HDGFL3: variants seen among roughly 807,000 people sequenced by gnomAD.
The protein encoded by HDGFL3 is hepatoma-derived growth factor-related protein 3.
A neutral mutation model predicts 27.6 loss-of-function variants in HDGFL3; 6 were observed. That is an observed-to-expected ratio of 0.22 (90% confidence interval 0.12 to 0.43). The LOEUF is 0.43. HDGFL3 is among the 20% of genes least tolerant of loss of function. The pLI, the probability that HDGFL3 is intolerant of heterozygous loss-of-function variation, is 1.00. For synonymous variants in HDGFL3, 88 were observed against 88.9 expected, an observed-to-expected ratio of 0.99 and a Z score of 0.05; for missense variants, 207 against 250.1, an observed-to-expected ratio of 0.83 and a Z score of 1.16.
chr15:83,164,806 A>G (rs2037149227), intron 1 of HDGFL3, among the ~76,000 whole-genome samples: 1 of 152,248 alleles, frequency 6.6e-6, no homozygotes, highest in Non-Finnish European at 1.5e-5. Flanking sequence ...ATATAATTAC[A>G]CATACATTAT....
At chr15:83,114,038 G>A (rs1567134196) in exon 4 of HDGFL3, 2 of 152,440 alleles carry the variant, frequency 1.3e-5, no homozygotes, top group South Asian at 2.1e-4. Context: ...TTTACAGCCA[G>A]TCATTAGATG....
intron 1 of HDGFL3, among the ~76,000 whole-genome samples, chr15:83,178,161 A>C (rs76174332): frequency 0.023 from 3,522 of 152,324 alleles, 140 homozygotes; most frequent in African/African-American, 0.08. Context: ...TGAAATATTA[A>C]AATTGCTGAA....
intron 3 of HDGFL3, among the ~76,000 whole-genome samples, chr15:83,121,645 T>A (rs2035254541): frequency 6.6e-6 from 1 of 152,158 alleles, no homozygotes; most frequent in Admixed American, 6.6e-5. Flanking sequence ...AATGCAGGAG[T>A]CCTGTGGCAG....
At position 83,192,190 on chromosome 15, in the gene HDGFL3, C is replaced by T. The variant is rs1013060208; in HGVS notation, c.84+15141G>A. ...CTCCTGACCTCAGGTGATCCACCTG[C>T]CTCGGCCTCCCAAAGTGCTGGGATT... On this transcript the variant is annotated intron_variant, in intron 1 of 5. Transcript: ENST00000299633. 28 of 414,562 alleles carry T rather than the reference C, an allele frequency of 6.8e-5. 1 individual carries two copies. The East Asian group carries it at 2.3e-3, about 34-fold the overall frequency. 25.7% of individuals were successfully genotyped at this position (414,562 alleles called of 1,614,324 possible). A position where few individuals can be genotyped will look rare whatever the true frequency, so the allele number is the denominator to read the frequency against.
At chr15:83,203,715 A>C (rs1197013442) in intron 1 of HDGFL3, among the ~76,000 whole-genome samples, 1 of 151,954 alleles carries the variant, frequency 6.6e-6, no homozygotes, top group Non-Finnish European at 1.5e-5. Flanking sequence ...AGTAATAATA[A>C]GTATTATTAC....
chr15:83,206,404 C>T (rs2037716232), intron 1 of HDGFL3, among the ~76,000 whole-genome samples: 1 of 152,116 alleles, frequency 6.6e-6, no homozygotes, highest in African/African-American at 2.4e-5. Context: ...CAACTGCCAA[C>T]CATACAAAAA....
intron 2 of HDGFL3, among the ~76,000 whole-genome samples, chr15:83,162,647 TGAGA>T (rs937228901): frequency 2.8e-4 from 42 of 152,288 alleles, no homozygotes; most frequent in African/African-American, 1.0e-3. Context: ...TAAAACTTCC[TGAGA>T]GAAATTACAA....
intron 3 of HDGFL3, among the ~76,000 whole-genome samples, chr15:83,116,415 C>T (rs2151346374): frequency 6.6e-6 from 1 of 152,322 alleles, no homozygotes; most frequent in Non-Finnish European, 1.5e-5. Context: ...CTCGAGAGAG[C>T]TAGTCCTATT....
intron 1 of HDGFL3, among the ~76,000 whole-genome samples, chr15:83,203,938 C>T (rs529048629): frequency 2.9e-4 from 43 of 149,220 alleles, no homozygotes; most frequent in African/African-American, 1.1e-3. Flanking sequence ...TCGTTTTAGC[C>T]TCAGTACTTT....
At position 83,138,660 on chromosome 15, in the gene HDGFL3, AGTTT is replaced by A. The variant is rs2036705372; in HGVS notation, c.*606_*609del. On this transcript the variant is annotated 3_prime_UTR_variant, in exon 6 of 6. Coordinates refer to ENST00000299633, the MANE Select transcript of HDGFL3 (RefSeq NM_016073.4). ...TCACTAACTTCACATATAGAAACTT[AGTTT>A]GTGTACATAACAATATGAATTTTGA... The A allele has an allele frequency of 6.5e-6, 1 of 152,704 alleles. No individual in the cohort carries two copies. Among genetic ancestry groups the A allele is most frequent in the African/African-American group, 2.4e-5 (1 of 41,580 alleles). 9.5% of individuals were successfully genotyped at this position (152,704 alleles called of 1,614,324 possible).
chr15:83,175,420 A>C (rs976264626), intron 1 of HDGFL3, among the ~76,000 whole-genome samples: 4 of 152,226 alleles, frequency 2.6e-5, no homozygotes, highest in African/African-American at 9.6e-5. Context: ...TAAGCCATTT[A>C]AAGTGTACAC....
chr15:83,146,386 A>G (rs930427575), intron 5 of HDGFL3, among the ~76,000 whole-genome samples: 4 of 152,318 alleles, frequency 2.6e-5, no homozygotes, highest in African/African-American at 9.6e-5. Context: ...TAAGTGTCCC[A>G]CTGGAAATAC....
At chr15:83,124,964 A>T (rs192566225), downstream of HDGFL3, among the ~76,000 whole-genome samples, 140 of 152,026 alleles carry the variant, frequency 9.2e-4, 1 homozygote, top group Non-Finnish European at 3.1e-4. Context: ...TCCTGCTGTC[A>T]CCTCCTCCTG....
chr15:83,198,087 T>TTA (rs962841455), intron 1 of HDGFL3, among the ~76,000 whole-genome samples: 9 of 119,956 alleles, frequency 7.5e-5, no homozygotes, highest in Non-Finnish European at 1.5e-4. Flanking sequence ...AGCCAATTAA[T>TTA]TATATATATA....
chr15:83,172,243 C>T (rs1346202392), intron 1 of HDGFL3, among the ~76,000 whole-genome samples: 4 of 152,152 alleles, frequency 2.6e-5, no homozygotes, highest in Non-Finnish European at 2.9e-5. Flanking sequence ...TTCTCTCTTG[C>T]CCTTCTGTCT....
At chr15:83,157,263 T>C in intron 4 of HDGFL3, 152 bp downstream of exon 4, 5 of 747,064 alleles carry the variant, frequency 6.7e-6, no homozygotes, top group Non-Finnish European at 1.1e-5. Context: ...TAAGGTTACC[T>C]GACTTCCCTC....
At chr15:83,123,481 A>G (rs2035457307), downstream of HDGFL3, among the ~76,000 whole-genome samples, 2 of 152,320 alleles carry the variant, frequency 1.3e-5, no homozygotes, top group Middle Eastern at 6.8e-3. Flanking sequence ...TTACTTTTCT[A>G]GGTATTAGAT....
chr15:83,165,639 C>CA (rs958201081), intron 1 of HDGFL3, among the ~76,000 whole-genome samples: 2 of 151,256 alleles, frequency 1.3e-5, no homozygotes, highest in East Asian at 1.9e-4. Flanking sequence ...ACTAAAAATG[C>CA]AAAAAAGTAG....
At chr15:83,197,301 C>A (rs886378507) in intron 1 of HDGFL3, among the ~76,000 whole-genome samples, 8 of 152,160 alleles carry the variant, frequency 5.3e-5, no homozygotes, top group Non-Finnish European at 1.2e-4. Context: ...TATAGTGGGT[C>A]TGTTTCTAAT....
Sources: gnomAD v4.1 joint callset for allele counts (sites outside exome capture counted in the v4.1 genomes callset) on GRCh38, gnomAD v4.1.1 for gene constraint, MANE v1.5 for transcripts, NCBI Gene and HGNC (gene_info 2026-07-23, HGNC 2026-07-21) for gene names.